PAPPA: variants seen among roughly 807,000 people sequenced by gnomAD.
The protein encoded by PAPPA is pappalysin-1.
A neutral mutation model predicts 164.0 loss-of-function variants in PAPPA; 60 were observed. The ratio of observed to expected loss-of-function variants is 0.37; its 90% CI spans 0.30 to 0.45. The LOEUF (loss-of-function observed/expected upper bound fraction) is 0.45. Among genes scored for constraint, PAPPA ranks in the 20% least tolerant of loss-of-function variants. The pLI is 1.00. For synonymous variants in PAPPA, 875 were observed against 814.1 expected, an observed-to-expected ratio of 1.07 and a Z score of -1.27; for missense variants, 1,782 against 2,087.3, an observed-to-expected ratio of 0.85 and a Z score of 2.85.
chr9:116,302,764 C>T lies in PAPPA; in HGVS notation c.2961C>T (p.Pro987=), dbSNP rs35565319. The T allele has an allele frequency of 0.067, 108,247 of 1,608,780 alleles. 4,189 individuals carry two copies. The highest frequency in any genetic ancestry group is 0.071 in the Non-Finnish European group (83,639 of 1,175,898). ...QEVSFNCIDE[P]SRCYFHDGDG... is the part of the protein sequence containing the mutation. ...TATGTCAATCTTTTGCAGATGAACCCAGCCGGTGCTATTTCCATGATGGTG... is the reference window on the plus strand; with the variant it reads ...TATGTCAATCTTTTGCAGATGAACCTAGCCGGTGCTATTTCCATGATGGTG... Residue 987 remains proline (P), a synonymous_variant, in exon 10 of 22, where the codon CCC becomes CCT. Transcript: ENST00000328252.
intron 7 of PAPPA, among the ~76,000 whole-genome samples, chr9:116,247,618 G>A (rs1422231397): frequency 1.3e-5 from 2 of 152,182 alleles, no homozygotes; most frequent in Non-Finnish European, 2.9e-5. Context: ...GAAGAGGAAA[G>A]AGAAGGAAAA....
Position 116,155,548 on chromosome 9 carries a change from A to G in PAPPA, c.415+961A>G, listed in dbSNP as rs983192071. Among the ~76,000 whole-genome samples, 5 of 152,142 alleles carry G rather than the reference A, an allele frequency of 3.3e-5. No individual in the cohort carries two copies. In the East Asian group the frequency reaches 9.7e-4, roughly 29 times the overall value. ...GGGAGATTCCCTTTCTGCACAAACA[A>G]TCTTGCCATGTCCTGGGACGTCTTA... On this transcript the variant is annotated intron_variant, in intron 1 of 21. Coordinates refer to ENST00000328252, the MANE Select transcript of PAPPA (RefSeq NM_002581.5).
At chr9:116,329,117 A>G (rs1424964525) in intron 10 of PAPPA, among the ~76,000 whole-genome samples, 2 of 152,160 alleles carry the variant, frequency 1.3e-5, no homozygotes, top group Non-Finnish European at 2.9e-5. Context: ...GGAAAGAGAG[A>G]CATTTGAATT....
chr9:116,386,620 G>T (rs917242103), intron 21 of PAPPA, among the ~76,000 whole-genome samples: 1 of 152,196 alleles, frequency 6.6e-6, no homozygotes, highest in Non-Finnish European at 1.5e-5. Context: ...TGACTCAAAA[G>T]TTCTGCTTTT....
intron 10 of PAPPA, among the ~76,000 whole-genome samples, chr9:116,314,561 A>G (rs1367877401): frequency 6.6e-6 from 1 of 152,128 alleles, no homozygotes; most frequent in Non-Finnish European, 1.5e-5. Flanking sequence ...GAAGCTCTCT[A>G]TTTTGTTCCC....
At chr9:116,325,803 G>A (rs1845913357) in intron 10 of PAPPA, among the ~76,000 whole-genome samples, 1 of 152,114 alleles carries the variant, frequency 6.6e-6, no homozygotes, top group Non-Finnish European at 1.5e-5. Flanking sequence ...CAAAAAATAG[G>A]ATCAATAAGG....
At chr9:116,172,780 G>A (rs1382025254) in intron 1 of PAPPA, among the ~76,000 whole-genome samples, 1 of 152,042 alleles carries the variant, frequency 6.6e-6, no homozygotes, top group Non-Finnish European at 1.5e-5. Flanking sequence ...TTGTTTCTAT[G>A]CCTTTTTTGT....
chr9:116,207,643 C>T (rs751889100), intron 3 of PAPPA, 42 bp downstream of exon 3: 1 of 1,479,894 alleles, frequency 6.8e-7, no homozygotes, highest in South Asian at 1.2e-5. Context: ...TAGAGTAGGA[C>T]AGTAATACAC....
chr9:116,348,785 A>T (rs556054328), intron 15 of PAPPA, among the ~76,000 whole-genome samples: 2 of 152,320 alleles, frequency 1.3e-5, no homozygotes, highest in Admixed American at 6.5e-5. Context: ...TAGTTTGCTA[A>T]GGATGATGGC....
intron 6 of PAPPA, among the ~76,000 whole-genome samples, 189 bp from the exon 7 acceptor site, chr9:116,234,950 T>C (rs1844641708): frequency 6.6e-6 from 1 of 152,144 alleles, no homozygotes; most frequent in South Asian, 2.1e-4. Context: ...GAAATCTGTA[T>C]TGCAGGGGTG....
chr9:116,155,144 C>T (rs989337315), intron 1 of PAPPA, among the ~76,000 whole-genome samples: 4 of 152,160 alleles, frequency 2.6e-5, no homozygotes, highest in Non-Finnish European at 5.9e-5. Context: ...CACCCTCACC[C>T]CCTCCACGCC....
In PAPPA at chr9:116,267,881, C is replaced by CAA. The variant is rs61670954; in HGVS notation, c.2861+1923_2861+1924dup. On this transcript the variant is annotated intron_variant, in intron 8 of 21. Transcript: ENST00000328252. ...TGGGCGACAGAGCGAGACTCCGTCT[C>CAA]AAAAAAAAAAAAAAAAAAAAAAAAA... 7.1e-4 allele frequency among the ~76,000 whole-genome samples: 41 copies of CAA among 57,570 alleles called. 2 individuals are homozygous for CAA. The highest frequency in any genetic ancestry group is 8.2e-4 in the Non-Finnish European group (25 of 30,516). 37.8% of individuals were successfully genotyped at this position (57,570 alleles called of 152,430 possible).
At chr9:116,381,971 T>C (rs1303052168) in intron 20 of PAPPA, among the ~76,000 whole-genome samples, 1 of 152,202 alleles carries the variant, frequency 6.6e-6, no homozygotes, top group Non-Finnish European at 1.5e-5. Flanking sequence ...CCTAACATAT[T>C]TGCATATATT....
At chr9:116,355,120 G>A (rs1241891442) in intron 17 of PAPPA, among the ~76,000 whole-genome samples, 4 of 152,110 alleles carry the variant, frequency 2.6e-5, no homozygotes, top group Non-Finnish European at 5.9e-5. Flanking sequence ...GCCACACTGC[G>A]TTGTCACTGC....
intron 10 of PAPPA, chr9:116,318,687 T>A (rs780642480): frequency 6.6e-6 from 1 of 152,204 alleles, no homozygotes; most frequent in Non-Finnish European, 1.5e-5. Context: ...AGCAAGAGAT[T>A]ACGTAAACTG....
At chr9:116,180,596 CCTT>C (rs1019067387) in intron 1 of PAPPA, among the ~76,000 whole-genome samples, 3 of 151,754 alleles carry the variant, frequency 2.0e-5, no homozygotes, top group African/African-American at 7.3e-5. Flanking sequence ...AGTTTTTTCT[CCTT>C]CTATATCTAC....
chr9:116,187,289 C>A lies in PAPPA; in HGVS notation c.551C>A (p.Thr184Asn). ...ACAGACCGAGCCCGGCAAGTGACCA[C>A]CATCAATGCCCACCGCAGCTACCTC... ...LKTDRARQVT[T>N]INAHRSYLPG... Residue 184 changes from threonine to asparagine, a missense_variant, in exon 2 of 22, where the codon ACC becomes AAC. By Grantham distance (65) the Thr-to-Asn change is moderately conservative. Around this residue, in one of 2 missense-constraint regions of PAPPA, gnomAD observed 458 missense variants for 430.3 expected, o/e 1.06. Coordinates refer to ENST00000328252, the MANE Select transcript of PAPPA (RefSeq NM_002581.5). The surrounding 1 kb of genome is among the most constrained non-coding windows in gnomAD (Gnocchi z 4.2). 1 of 1,614,140 alleles carries A rather than the reference C, an allele frequency of 6.2e-7. No homozygotes were observed. The highest frequency in any genetic ancestry group is 8.5e-7 in the Non-Finnish European group (1 of 1,180,028).
At chr9:116,349,094 C>T (rs976511763) in intron 15 of PAPPA, among the ~76,000 whole-genome samples, 1 of 152,132 alleles carries the variant, frequency 6.6e-6, no homozygotes, top group African/African-American at 2.4e-5. Context: ...TTCCTCTGTA[C>T]TTCCGTTAAA....
Position 116,236,895 on chromosome 9 carries a change from C to T in PAPPA, c.2732+1258C>T, listed in dbSNP as rs77657323. Among the ~76,000 whole-genome samples, 1,085 of 152,290 alleles carry T rather than the reference C, an allele frequency of 7.1e-3. 16 individuals are homozygous for T. The highest frequency in any genetic ancestry group is 0.025 in the African/African-American group (1,042 of 41,548). ...TAAGGATTGGAATTTCGTTCTGACT[C>T]CTAAGCCACTGCACTCAACTGGTGC... On this transcript the variant is annotated intron_variant, in intron 7 of 21. Coordinates refer to ENST00000328252, the MANE Select transcript of PAPPA (RefSeq NM_002581.5).
Sources: allele counts gnomAD v4.1 joint callset (sites outside exome capture counted in the v4.1 genomes callset), GRCh38; gene constraint gnomAD v4.1.1; regional missense constraint gnomAD v4.1.1; non-coding constraint Gnocchi (gnomAD v3.1); transcripts MANE v1.5; gene names NCBI Gene and HGNC (gene_info 2026-07-23, HGNC 2026-07-21).